The following NEK10 variants were observed in gnomAD, a reference collection of about 807,000 sequenced individuals.
NEK10 encodes serine/threonine-protein kinase Nek10.
NEK10 carries 122 observed loss-of-function variants against 159.8 expected under a neutral mutation model. The ratio of observed to expected loss-of-function variants is 0.76; its 90% CI spans 0.66 to 0.89. NEK10 has a LOEUF of 0.89. NEK10 is among the 40% of genes least tolerant of loss of function. NEK10 has a pLI of 0.00. For missense variants in NEK10, 1,342 were observed against 1,323.1 expected (o/e 1.01, Z -0.22); for synonymous variants, 466 against 457.1 (o/e 1.02, Z -0.25).
intron 28 of NEK10, among the ~76,000 whole-genome samples, chr3:27,173,658 T>C (rs913167582): frequency 3.3e-5 from 5 of 152,192 alleles, no homozygotes; most frequent in Non-Finnish European, 4.4e-5. Flanking sequence ...TTTTATGAGA[T>C]TTTCATAGTA....
chr3:27,327,266 G>A (rs1189753022), intron 5 of NEK10, among the ~76,000 whole-genome samples: 1 of 137,102 alleles, frequency 7.3e-6, no homozygotes, highest in Admixed American at 7.0e-5. Context: ...AGAGTGGCAT[G>A]GGGGCAGCCC....
At chr3:27,296,754 C>T (rs1337311886) in intron 14 of NEK10, among the ~76,000 whole-genome samples, 1 of 152,040 alleles carries the variant, frequency 6.6e-6, no homozygotes, top group Non-Finnish European at 1.5e-5. Context: ...TTATACTTTG[C>T]AAAATCAGTT....
At chr3:27,135,806 C>A (rs1943132598) in intron 31 of NEK10, among the ~76,000 whole-genome samples, 1 of 152,142 alleles carries the variant, frequency 6.6e-6, no homozygotes, top group African/African-American at 2.4e-5. Context: ...AAATGGCAGT[C>A]AATTTAAGAA....
intron 23 of NEK10, among the ~76,000 whole-genome samples, chr3:27,221,792 G>A (rs1304866029): frequency 6.6e-6 from 1 of 152,118 alleles, no homozygotes; most frequent in Non-Finnish European, 1.5e-5. Context: ...CCTGCTCATA[G>A]GCTTCTCTGC....
chr3:27,324,119 G>A (rs903068481), intron 5 of NEK10, among the ~76,000 whole-genome samples: 6 of 152,128 alleles, frequency 3.9e-5, no homozygotes, highest in Non-Finnish European at 7.4e-5. Context: ...TATGCTCTTT[G>A]GTGACACCCA....
At chr3:27,162,531 C>T (rs138337780) in intron 30 of NEK10, 170 bp downstream of exon 30, 10 of 1,614,134 alleles carry the variant, frequency 6.2e-6, no homozygotes, top group Non-Finnish European at 6.8e-6. Flanking sequence ...CTAACTCAGC[C>T]TCTATTTCCT....
chr3:27,317,391 C>T (rs1048117351), intron 6 of NEK10, among the ~76,000 whole-genome samples: 1 of 152,208 alleles, frequency 6.6e-6, no homozygotes, highest in Non-Finnish European at 1.5e-5. Flanking sequence ...CAGCATCTTT[C>T]ACTTGTCACA....
At chr3:27,352,219 C>G (rs1259757638) in intron 3 of NEK10, among the ~76,000 whole-genome samples, 1 of 152,066 alleles carries the variant, frequency 6.6e-6, no homozygotes, top group African/African-American at 2.4e-5. Flanking sequence ...AAAGGGTTTG[C>G]TAAGTAGGAC....
rs1943399535 is a variant in NEK10, at chr3:27,138,067, T to C, written c.2970+3415A>G. On this transcript the variant is annotated intron_variant, in intron 31 of 35. Transcript: ENST00000691995. ...AGGGATGCTGAAGGAGGATGGATCTTGTTTCCTGGCTCCAGTGATGCTCCT... is the reference window on the plus strand; with the variant it reads ...AGGGATGCTGAAGGAGGATGGATCTCGTTTCCTGGCTCCAGTGATGCTCCT... Among the ~76,000 whole-genome samples the C allele has an allele frequency of 2.0e-5, 3 of 152,202 alleles. No individual in the cohort carries two copies. In the South Asian group the frequency reaches 6.2e-4, roughly 32 times the overall value.
chr3:27,250,477 T>G (rs1023283361), intron 23 of NEK10, among the ~76,000 whole-genome samples: 1 of 152,164 alleles, frequency 6.6e-6, no homozygotes, highest in African/African-American at 2.4e-5. Flanking sequence ...TCAGCCACTG[T>G]GCCCAGCCTG....
At chr3:27,122,832 T>C (rs1443825356) in intron 32 of NEK10, among the ~76,000 whole-genome samples, 2 of 152,122 alleles carry the variant, frequency 1.3e-5, no homozygotes, top group African/African-American at 2.4e-5. Flanking sequence ...TATTTTAAGA[T>C]GACAAGGACA....
chr3:27,229,057 C>T (rs528601547), intron 23 of NEK10, among the ~76,000 whole-genome samples: 15 of 152,222 alleles, frequency 9.9e-5, no homozygotes, highest in Non-Finnish European at 1.9e-4. Context: ...CGTGAATCAT[C>T]AACTCAGTAA....
chr3:27,183,706 A>G (rs1230170997), intron 26 of NEK10, among the ~76,000 whole-genome samples: 1 of 152,154 alleles, frequency 6.6e-6, no homozygotes, highest in Non-Finnish European at 1.5e-5. Context: ...ATTATCTGGC[A>G]TATATAAAGA....
At chr3:27,239,758 C>T (rs1186512091) in intron 23 of NEK10, among the ~76,000 whole-genome samples, 5 of 152,268 alleles carry the variant, frequency 3.3e-5, no homozygotes, top group East Asian at 1.9e-4. Flanking sequence ...CCTTTCAGTA[C>T]ATGAAGAGTC....
At chr3:27,141,368 T>A (rs1943768005) in intron 31 of NEK10, 114 bp downstream of exon 31, 1 of 707,668 alleles carries the variant, frequency 1.4e-6, no homozygotes, top group Non-Finnish European at 2.3e-6. Flanking sequence ...TGTATGTAGC[T>A]GGGGAGGATA....
chr3:27,279,611 T>C (rs1160354155), intron 22 of NEK10, among the ~76,000 whole-genome samples: 1 of 152,224 alleles, frequency 6.6e-6, no homozygotes, highest in African/African-American at 2.4e-5. Context: ...TAAAGTATTT[T>C]TTAAAGAATG....
chr3:27,188,676 C>T (rs928557492), intron 26 of NEK10, among the ~76,000 whole-genome samples: 4 of 152,188 alleles, frequency 2.6e-5, no homozygotes, highest in Non-Finnish European at 5.9e-5. Context: ...CTCCCTGGAA[C>T]ACTCAATTCT....
rs1233114062 is a variant in NEK10 at position 27,336,174 on chromosome 3, C to T, written c.362+8098G>A. ...AGAAATGGAAAAGGAGATATTACAA[C>T]TGACAACACAAAAATACAAAAGATC... is the stretch of plus-strand genomic sequence containing the variant. On this transcript the variant is annotated intron_variant, in intron 5 of 35. Coordinates refer to ENST00000691995, the MANE Select transcript of NEK10 (RefSeq NM_001394966.1). 2.0e-5 allele frequency among the ~76,000 whole-genome samples: 3 copies of T among 152,062 alleles called. No homozygotes were observed. The East Asian group carries it at 5.8e-4, about 29-fold the overall frequency.
intron 14 of NEK10, 117 bp from the exon 15 acceptor site, chr3:27,295,807 T>C (rs949637118): frequency 4.5e-6 from 6 of 1,323,986 alleles, no homozygotes; most frequent in Middle Eastern, 2.7e-4. Flanking sequence ...AGTATAACTA[T>C]GGACCTTGAA....
Sources: gnomAD v4.1 joint callset for allele counts (sites outside exome capture counted in the v4.1 genomes callset) on GRCh38, gnomAD v4.1.1 for gene constraint, MANE v1.5 for transcripts, NCBI Gene and HGNC (gene_info 2026-07-23, HGNC 2026-07-21) for gene names.